The following RAB38 variants were observed in gnomAD, a reference collection of about 807,000 sequenced individuals.
RAB38 encodes RAB38, member RAS oncogene family.
In RAB38, 15 loss-of-function variants were observed where a neutral mutation model predicts 18.4. That is an observed-to-expected ratio of 0.82 (90% CI 0.55 to 1.26). The LOEUF (loss-of-function observed/expected upper bound fraction) is 1.26, where lower values mean the gene tolerates loss of function less well. Among genes scored for constraint, RAB38 ranks in the 50% most tolerant of loss-of-function variants. The pLI, the probability that RAB38 is intolerant of heterozygous loss-of-function variation, is 0.00. For missense variants in RAB38, 294 were observed against 267.4 expected (o/e 1.10, Z -0.69); for synonymous variants, 101 against 104.4 (o/e 0.97, Z 0.20).
At chr11:87,940,610 A>ATG in the RAB38 span, among the ~76,000 whole-genome samples, 16 of 152,008 alleles carry the variant, frequency 1.1e-4, no homozygotes, top group African/African-American at 3.6e-4. Context: ...ATCTATATAT[A>ATG]TGTGTGTGTG....
the RAB38 span, among the ~76,000 whole-genome samples, chr11:87,969,275 C>T: frequency 6.6e-6 from 1 of 152,114 alleles, no homozygotes; most frequent in African/African-American, 2.4e-5. Context: ...GCACAGTTGG[C>T]CAATCCTCCA....
At chr11:88,033,405 A>G in the RAB38 span, among the ~76,000 whole-genome samples, 1 of 152,126 alleles carries the variant, frequency 6.6e-6, no homozygotes, top group African/African-American at 2.4e-5. Context: ...AAAAAAAAGA[A>G]AGTATTTGAT....
chr11:88,099,013 G>A, the RAB38 span, among the ~76,000 whole-genome samples: 9 of 151,932 alleles, frequency 5.9e-5, no homozygotes, highest in East Asian at 1.6e-3. Flanking sequence ...CCTAAATCTT[G>A]TATATTTTTA....
the RAB38 span, among the ~76,000 whole-genome samples, chr11:87,830,063 G>A: frequency 6.6e-6 from 1 of 152,080 alleles, no homozygotes; most frequent in Non-Finnish European, 1.5e-5. Context: ...TCCTCTACCA[G>A]ATTAGCCATC....
chr11:87,857,012 G>C, the RAB38 span, among the ~76,000 whole-genome samples: 25 of 148,164 alleles, frequency 1.7e-4, no homozygotes, highest in African/African-American at 5.2e-4. Context: ...ATCCCTCCCC[G>C]CTCCCCCCAC....
chr11:87,851,391 A>G, the RAB38 span, among the ~76,000 whole-genome samples: 1 of 152,208 alleles, frequency 6.6e-6, no homozygotes, highest in Non-Finnish European at 1.5e-5. Flanking sequence ...ATGAGTCACA[A>G]GTTATTTTTT....
At chr11:87,962,077 CACT>C in the RAB38 span, among the ~76,000 whole-genome samples, 1 of 152,154 alleles carries the variant, frequency 6.6e-6, no homozygotes, top group Admixed American at 6.6e-5. Context: ...TTGTTACTAG[CACT>C]ACATTATAAA....
chr11:87,886,590 C>A, the RAB38 span, among the ~76,000 whole-genome samples: 1 of 151,942 alleles, frequency 6.6e-6, no homozygotes, highest in Non-Finnish European at 1.5e-5. Context: ...TATCCTGATT[C>A]TACCCGTGGC....
At chr11:88,080,505 C>G in the RAB38 span, among the ~76,000 whole-genome samples, 1 of 151,578 alleles carries the variant, frequency 6.6e-6, no homozygotes, top group African/African-American at 2.4e-5. Context: ...CAAGCCGAAT[C>G]AAAATTGTAG....
In RAB38 at chr11:88,149,971, A is replaced by C. The variant is rs1449417883; in HGVS notation, c.203-16T>G. On this transcript the variant is annotated splice_polypyrimidine_tract_variant and intron_variant, in intron 1 of 2. Transcript: ENST00000243662. ...CTTTCTTGACCTGACACCAAAAAGA[A>C]ATAAAAATAAAAATGTATTAAAATT... 4 of 1,589,360 alleles carry C rather than the reference A, an allele frequency of 2.5e-6. No individual in the cohort carries two copies. The highest frequency in any genetic ancestry group is 1.8e-5 in the Admixed American group (1 of 54,862).
the RAB38 span, among the ~76,000 whole-genome samples, chr11:87,977,914 TA>T: frequency 4.4e-5 from 5 of 113,070 alleles, no homozygotes; most frequent in Non-Finnish European, 8.3e-5. Context: ...ATTATATACA[TA>T]AATATGTAGT....
At chr11:87,893,317 C>T in the RAB38 span, among the ~76,000 whole-genome samples, 2 of 139,828 alleles carry the variant, frequency 1.4e-5, no homozygotes, top group African/African-American at 5.1e-5. Flanking sequence ...TATATACACA[C>T]ACATACATAT....
At chr11:88,007,615 C>G in the RAB38 span, among the ~76,000 whole-genome samples, 1 of 151,922 alleles carries the variant, frequency 6.6e-6, no homozygotes, top group Admixed American at 6.6e-5. Flanking sequence ...AGATACATAA[C>G]AACAAGAATT....
the RAB38 span, among the ~76,000 whole-genome samples, chr11:87,939,379 TACACACACAC>T: frequency 0.24 from 35,519 of 146,352 alleles, 4,498 homozygotes; most frequent in South Asian, 0.4. Flanking sequence ...CACACATACA[TACACACACAC>T]ACACACACAC....
chr11:88,023,675 T>A, the RAB38 span, among the ~76,000 whole-genome samples: 65 of 152,260 alleles, frequency 4.3e-4, 1 homozygote, highest in African/African-American at 1.5e-3. Flanking sequence ...CAAAACAGCA[T>A]GGTCCTGGCT....
intron 1 of RAB38, 49 bp downstream of exon 1, chr11:88,175,134 A>G: frequency 6.7e-7 from 1 of 1,500,212 alleles, no homozygotes; most frequent in Non-Finnish European, 9.0e-7. Context: ...GAGACTGGAA[A>G]CCGGCCGCGA....
At chr11:87,918,639 A>C in the RAB38 span, among the ~76,000 whole-genome samples, 2 of 151,946 alleles carry the variant, frequency 1.3e-5, no homozygotes, top group African/African-American at 2.4e-5. Context: ...ACTGGTGATC[A>C]TTTTTTTCCA....
At chr11:87,950,526 G>T in the RAB38 span, among the ~76,000 whole-genome samples, 1 of 152,188 alleles carries the variant, frequency 6.6e-6, no homozygotes, top group Non-Finnish European at 1.5e-5. Flanking sequence ...GCTGGTACCA[G>T]TCGTTCCTTT....
intron 2 of RAB38, among the ~76,000 whole-genome samples, chr11:88,140,721 A>G (rs757240767): frequency 6.6e-6 from 1 of 152,198 alleles, no homozygotes; most frequent in South Asian, 2.1e-4. Flanking sequence ...TAACACAACC[A>G]TGGAATAAAT....
Sources: gnomAD v4.1 joint callset for allele counts (sites outside exome capture counted in the v4.1 genomes callset) on GRCh38, gnomAD v4.1.1 for gene constraint, MANE v1.5 for transcripts, NCBI Gene and HGNC (gene_info 2026-07-23, HGNC 2026-07-21) for gene names.